Variants in CMTM7 observed in about 807,000 individuals in gnomAD.
The protein encoded by CMTM7 is CKLF-like MARVEL transmembrane domain-containing protein 7.
Under a neutral mutation model 19.3 loss-of-function variants are expected in CMTM7, and 7 were observed. That is an observed-to-expected ratio of 0.36 (90% CI 0.21 to 0.68). CMTM7 has a LOEUF of 0.68. Among genes scored for constraint, CMTM7 ranks in the 30% least tolerant of loss-of-function variants. CMTM7 has a pLI of 0.60. For synonymous variants in CMTM7, 87 were observed against 99.3 expected, an observed-to-expected ratio of 0.88 and a Z score of 0.74; for missense variants, 193 against 232.6, an observed-to-expected ratio of 0.83 and a Z score of 1.11.
chr3:32,428,383 C>T lies in CMTM7; in HGVS notation c.160-13457C>T, dbSNP rs563537589. On this transcript the variant is annotated intron_variant, in intron 1 of 4. Transcript: ENST00000334983. ...TTCCTCATCTCAATACTAACCAGAT[C>T]GGGGTACCTCATGGAGGAGAAATGT... Among the ~76,000 whole-genome samples, 11 of 152,298 alleles carry T rather than the reference C, an allele frequency of 7.2e-5. No homozygotes were observed. In the South Asian group the frequency reaches 2.3e-3, roughly 32 times the overall value.
At chr3:32,400,995 T>C (rs994371370) in intron 1 of CMTM7, among the ~76,000 whole-genome samples, 2 of 152,216 alleles carry the variant, frequency 1.3e-5, no homozygotes, top group African/African-American at 2.4e-5. Flanking sequence ...AACAATTCTC[T>C]AGACTTTTTA....
chr3:32,434,328 A>T (rs2125636387), intron 1 of CMTM7, among the ~76,000 whole-genome samples: 1 of 152,248 alleles, frequency 6.6e-6, no homozygotes, highest in Middle Eastern at 3.4e-3. Flanking sequence ...TTAGGTTCTC[A>T]CTTCGTCACC....
chr3:32,402,257 G>A (rs558112355), intron 1 of CMTM7, among the ~76,000 whole-genome samples: 4 of 151,728 alleles, frequency 2.6e-5, no homozygotes, highest in Non-Finnish European at 5.9e-5. Context: ...GGCTACAGGC[G>A]CGCGCCACCA....
rs567640518 is a variant in CMTM7 at position 32,396,051 on chromosome 3, A to G, written c.159+3986A>G. ...AAAGCCAACCACAAAAGACCACATT[A>G]TATGATTCCATTTATATGAAATGTC... On this transcript the variant is annotated intron_variant, in intron 1 of 4. Coordinates refer to ENST00000334983, the MANE Select transcript of CMTM7 (RefSeq NM_138410.4). 2.6e-5 allele frequency among the ~76,000 whole-genome samples: 4 copies of G among 152,352 alleles called. No individual in the cohort carries two copies. The East Asian group carries it at 7.7e-4, about 29-fold the overall frequency.
intron 2 of CMTM7, among the ~76,000 whole-genome samples, chr3:32,446,500 C>G (rs1257903671): frequency 6.6e-6 from 1 of 151,926 alleles, no homozygotes; most frequent in Non-Finnish European, 1.5e-5. Flanking sequence ...TTGCTTTAAT[C>G]TTTATTTTTT....
rs538139100 is a variant in CMTM7, at chr3:32,419,030, G to A, written c.160-22810G>A. ...ATGAATTAATAATATCTATGAACAC[G>A]GTGAGCCCTTCCAATTATTTAGGTC... On this transcript the variant is annotated intron_variant, in intron 1 of 4. Coordinates refer to ENST00000334983, the MANE Select transcript of CMTM7 (RefSeq NM_138410.4). Among the ~76,000 whole-genome samples the A allele has an allele frequency of 2.6e-4, 39 of 152,188 alleles. No homozygotes were observed. The South Asian group carries it at 6.4e-3, about 25-fold the overall frequency.
rs192781717 is a variant in CMTM7, at chr3:32,413,599, T to C, written c.159+21534T>C. On this transcript the variant is annotated intron_variant, in intron 1 of 4. Coordinates refer to ENST00000334983, the MANE Select transcript of CMTM7 (RefSeq NM_138410.4). ...TTTCTCATAGTTTTAGATTTTTTTATTAGTGCAACACTAGCTGCTGTAACA... is the reference window on the plus strand; with the variant it reads ...TTTCTCATAGTTTTAGATTTTTTTACTAGTGCAACACTAGCTGCTGTAACA... 2.9e-3 allele frequency among the ~76,000 whole-genome samples: 444 copies of C among 152,318 alleles called. 4 individuals carry two copies. Among genetic ancestry groups the C allele is most frequent in the Non-Finnish European group, 4.2e-3 (285 of 68,020 alleles).
At position 32,454,244 on chromosome 3, in the gene CMTM7, C is replaced by T; in HGVS notation, c.518C>T (p.Ala173Val). The T allele has an allele frequency of 1.3e-6, 2 of 1,599,578 alleles. No homozygotes were observed. Among genetic ancestry groups the T allele is most frequent in the Non-Finnish European group, 1.7e-6 (2 of 1,169,312 alleles). Residue 173 changes from alanine to valine, a missense_variant, in exon 5 of 5, where the codon GCA (alanine) becomes GTA (valine). Ala to Val is a moderately conservative substitution (Grantham distance 64). Transcript: ENST00000334983. ...TGACTGCCATTTCCTTCCCAAGATG[C>T]AGCCGTCTGATGAGGCCACAACCCC... ...KISCVTQSTD[A>V]AV
At chr3:32,434,612 T>C (rs866154739) in intron 1 of CMTM7, among the ~76,000 whole-genome samples, 58 of 151,202 alleles carry the variant, frequency 3.8e-4, no homozygotes, top group African/African-American at 1.2e-3. Context: ...TTTTCTTTTT[T>C]TTTTTTTTTT....
intron 1 of CMTM7, among the ~76,000 whole-genome samples, chr3:32,427,957 A>G (rs983246975): frequency 6.6e-6 from 1 of 152,238 alleles, no homozygotes; most frequent in African/African-American, 2.4e-5. Context: ...TGAGGAAGCT[A>G]TGCCAGTATG....
chr3:32,444,500 C>G (rs1478409615), intron 2 of CMTM7, among the ~76,000 whole-genome samples: 3 of 152,154 alleles, frequency 2.0e-5, no homozygotes, highest in Admixed American at 2.0e-4. Context: ...ATGCAGCCTC[C>G]CAATTATTCT....
chr3:32,430,681 A>ATATGTGTGTGTGTGTGTGTGTGTGTG (rs1696503469), intron 1 of CMTM7, among the ~76,000 whole-genome samples: 1 of 133,932 alleles, frequency 7.5e-6, no homozygotes, highest in African/African-American at 2.8e-5. Flanking sequence ...CTACATCTGA[A>ATATGTGTGTGTGTGTGTGTGTGTGTG]TGTGTGTGTG....
chr3:32,397,057 C>G (rs1695929086), intron 1 of CMTM7, among the ~76,000 whole-genome samples: 1 of 152,112 alleles, frequency 6.6e-6, no homozygotes. Context: ...TGTCCCAGAC[C>G]CCAAGAGACA....
At chr3:32,441,479 C>T (rs1696674551) in intron 1 of CMTM7, among the ~76,000 whole-genome samples, 1 of 152,192 alleles carries the variant, frequency 6.6e-6, no homozygotes, top group Non-Finnish European at 1.5e-5. Flanking sequence ...GTCACCATCA[C>T]GCTGTCCTCT....
At chr3:32,395,973 G>A (rs1205788840) in intron 1 of CMTM7, among the ~76,000 whole-genome samples, 3 of 152,206 alleles carry the variant, frequency 2.0e-5, no homozygotes, top group Non-Finnish European at 2.9e-5. Flanking sequence ...GGAGAATGAA[G>A]TACTGATGCG....
chr3:32,452,122 A>G (rs780182976), intron 3 of CMTM7: 1 of 1,461,386 alleles, frequency 6.8e-7, no homozygotes, highest in South Asian at 1.2e-5. Flanking sequence ...AACCCAGACC[A>G]GGCACTGAAG....
chr3:32,413,050 G>A (rs530061440), intron 1 of CMTM7, among the ~76,000 whole-genome samples: 1 of 152,182 alleles, frequency 6.6e-6, no homozygotes, highest in South Asian at 2.1e-4. Context: ...GACCAAATCT[G>A]GCCTGCCACC....
intron 3 of CMTM7, 56 bp from the exon 4 acceptor site, chr3:32,452,336 G>A: frequency 1.9e-6 from 3 of 1,613,668 alleles, no homozygotes; most frequent in Non-Finnish European, 2.5e-6. Context: ...AGACAGGATT[G>A]CCCGAGTAAT....
chr3:32,447,843 T>C (rs1255429897), intron 2 of CMTM7, among the ~76,000 whole-genome samples: 1 of 152,190 alleles, frequency 6.6e-6, no homozygotes, highest in African/African-American at 2.4e-5. Flanking sequence ...TATTTCTCGT[T>C]TTGCTTTGGT....
Sources: gnomAD v4.1 joint callset for allele counts (sites outside exome capture counted in the v4.1 genomes callset) on GRCh38, gnomAD v4.1.1 for gene constraint, MANE v1.5 for transcripts, NCBI Gene and HGNC (gene_info 2026-07-23, HGNC 2026-07-21) for gene names.